The following FANCC variants were observed in gnomAD, a reference collection of about 807,000 sequenced individuals.
FANCC encodes Fanconi anemia group C protein.
A neutral mutation model predicts 71.3 loss-of-function variants in FANCC; 55 were observed. The ratio of observed to expected loss-of-function variants is 0.77; its 90% confidence interval spans 0.62 to 0.97. The LOEUF (loss-of-function observed/expected upper bound fraction) is 0.97, where lower values mean the gene tolerates loss of function less well. Among genes scored for constraint, FANCC ranks in the 50% least tolerant of loss-of-function variants. The probability of loss-of-function intolerance (pLI) is 0.00; values close to 1 mark genes in which losing one functional copy is unlikely to be tolerated. For missense variants in FANCC, 678 were observed against 670.9 expected (o/e 1.01, Z -0.12); for synonymous variants, 275 against 244.9 (o/e 1.12, Z -1.15).
chr9:95,229,558 G>A (rs982931576), intron 4 of FANCC, among the ~76,000 whole-genome samples: 7 of 152,158 alleles, frequency 4.6e-5, no homozygotes, highest in African/African-American at 9.7e-5. Flanking sequence ...CAGGAAGAAT[G>A]AAGCTGCTTT....
chr9:95,110,493 C>T lies in FANCC; in HGVS notation c.1329+970G>A, dbSNP rs545126407. On this transcript the variant is annotated intron_variant, in intron 13 of 14. Coordinates refer to ENST00000289081, the MANE Select transcript of FANCC (RefSeq NM_000136.3). ...TTCTTTTTAATCAGACAGCAATCCT[C>T]AAATACATACGTGGGTTATAATTTT... 8 of 1,030,874 alleles carry T rather than the reference C, an allele frequency of 7.8e-6. No homozygotes were observed. In the East Asian group the frequency reaches 4.3e-4, roughly 56 times the overall value. 63.9% of individuals were successfully genotyped at this position (1,030,874 alleles called of 1,614,324 possible). A position where few individuals can be genotyped will look rare whatever the true frequency, so the allele number is the denominator to read the frequency against.
intron 4 of FANCC, among the ~76,000 whole-genome samples, chr9:95,235,491 C>A (rs774075014): frequency 1.3e-5 from 2 of 152,142 alleles, no homozygotes; most frequent in Non-Finnish European, 2.9e-5. Flanking sequence ...AACCAACAGG[C>A]TTTTAGAAGA....
chr9:95,120,097 TCAAA>T (rs1187095255), intron 10 of FANCC, among the ~76,000 whole-genome samples: 1 of 145,620 alleles, frequency 6.9e-6, no homozygotes, highest in Non-Finnish European at 1.5e-5. Context: ...CACCTCAGTG[TCAAA>T]CAGATACATT....
chr9:95,219,378 A>AGT (rs1829086869), intron 4 of FANCC, among the ~76,000 whole-genome samples: 1 of 152,248 alleles, frequency 6.6e-6, no homozygotes, highest in Non-Finnish European at 1.5e-5. Flanking sequence ...ATGCCAAAAA[A>AGT]GTGTAAGACC....
chr9:95,137,849 C>T (rs113302488), intron 7 of FANCC, among the ~76,000 whole-genome samples: 4,977 of 152,264 alleles, frequency 0.033, 280 homozygotes, highest in African/African-American at 0.11. Context: ...TACAAAGGGG[C>T]GAATGAACCC....
chr9:95,210,688 A>G (rs1828442300), intron 4 of FANCC, among the ~76,000 whole-genome samples: 1 of 152,202 alleles, frequency 6.6e-6, no homozygotes, highest in Admixed American at 6.5e-5. Context: ...AACCCAGGCA[A>G]TTAGCTGTGT....
intron 14 of FANCC, among the ~76,000 whole-genome samples, chr9:95,102,483 C>T (rs1393892535): frequency 2.6e-5 from 4 of 152,154 alleles, no homozygotes; most frequent in African/African-American, 9.7e-5. Context: ...TACAATTTAG[C>T]TGTGTGGGGA....
At chr9:95,153,409 T>C (rs567189075) in intron 6 of FANCC, among the ~76,000 whole-genome samples, 4 of 152,186 alleles carry the variant, frequency 2.6e-5, no homozygotes, top group Admixed American at 1.3e-4. Flanking sequence ...TTTTAGCTTT[T>C]TGAGGAATCT....
At chr9:95,159,874 G>A (rs1830649360) in intron 6 of FANCC, among the ~76,000 whole-genome samples, 1 of 152,144 alleles carries the variant, frequency 6.6e-6, no homozygotes, top group South Asian at 2.1e-4. Flanking sequence ...TGATGGGGTT[G>A]TTTGTTTTCT....
chr9:95,255,455 CCTGA>C (rs1245228874), intron 1 of FANCC, among the ~76,000 whole-genome samples: 5 of 152,072 alleles, frequency 3.3e-5, no homozygotes, highest in Admixed American at 6.5e-5. Flanking sequence ...AGCAGAGGGG[CCTGA>C]CTGTTAGAAG....
chr9:95,316,567 A>G (rs1442681328), intron 1 of FANCC, among the ~76,000 whole-genome samples: 1 of 152,244 alleles, frequency 6.6e-6, no homozygotes, highest in Non-Finnish European at 1.5e-5. Flanking sequence ...GTTTAGATGC[A>G]TTAAATGGGG....
chr9:95,209,641 A>C (rs1828369461), intron 4 of FANCC, among the ~76,000 whole-genome samples: 1 of 152,218 alleles, frequency 6.6e-6, no homozygotes, highest in Non-Finnish European at 1.5e-5. Flanking sequence ...AGTAAATGGC[A>C]ACTTGATGTA....
chr9:95,104,609 G>T (rs898166616), intron 14 of FANCC, among the ~76,000 whole-genome samples: 1 of 152,216 alleles, frequency 6.6e-6, no homozygotes, highest in African/African-American at 2.4e-5. Context: ...TTTGAATGTG[G>T]ACTGAAAGTT....
intron 1 of FANCC, chr9:95,293,040 C>T (rs1305454286): frequency 2.5e-5 from 40 of 1,595,612 alleles, no homozygotes; most frequent in Middle Eastern, 1.7e-4. Flanking sequence ...CTGTGCAAAA[C>T]CAGAAGTTAT....
At chr9:95,292,028 A>T (rs1413226532) in intron 1 of FANCC, among the ~76,000 whole-genome samples, 1 of 146,934 alleles carries the variant, frequency 6.8e-6, no homozygotes, top group Non-Finnish European at 1.5e-5. Context: ...TCTTGCGTCA[A>T]AAAAACAAAG....
intron 6 of FANCC, 81 bp from the exon 7 acceptor site, chr9:95,150,168 A>G (rs1795299816): frequency 5.4e-6 from 8 of 1,488,896 alleles, no homozygotes; most frequent in Non-Finnish European, 6.5e-6. Flanking sequence ...CATGCTAAAA[A>G]GGTCAAAGAC....
At chr9:95,170,637 CGTGTGTGTGTGTGTGTGTGTGTGTGTGT>C (rs3992109) in intron 6 of FANCC, among the ~76,000 whole-genome samples, 1 of 124,290 alleles carries the variant, frequency 8.0e-6, no homozygotes, top group Non-Finnish European at 1.7e-5. Context: ...TTGTAAATAT[CGTGTGTGTGTGTGTGTGTGTGTGTGTGT>C]GTGTGTGTGT....
intron 13 of FANCC, chr9:95,109,798 A>G (rs772981346): frequency 1.3e-5 from 2 of 152,240 alleles, no homozygotes; most frequent in African/African-American, 4.8e-5. Flanking sequence ...GCTAATTTCA[A>G]TTCAATCACA....
At chr9:95,272,990 C>G (rs749693389) in intron 1 of FANCC, among the ~76,000 whole-genome samples, 2 of 152,152 alleles carry the variant, frequency 1.3e-5, no homozygotes, top group Admixed American at 6.5e-5. Flanking sequence ...AGAGACCATC[C>G]ATCCCGTTAG....
Sources: allele counts gnomAD v4.1 joint callset (sites outside exome capture counted in the v4.1 genomes callset), GRCh38; gene constraint gnomAD v4.1.1; transcripts MANE v1.5; gene names NCBI Gene and HGNC (gene_info 2026-07-23, HGNC 2026-07-21).